The following KAZN variants were observed in gnomAD, a reference collection of about 807,000 sequenced individuals.
KAZN encodes the protein kazrin, periplakin interacting protein, also known as kazrin.
In KAZN, 40 loss-of-function variants were observed where a neutral mutation model predicts 87.4. That is an observed-to-expected ratio of 0.46 (90% confidence interval 0.36 to 0.60). KAZN has a LOEUF of 0.60. Among genes scored for constraint, KAZN ranks in the 20% least tolerant of loss-of-function variants. The pLI is 0.00. For synonymous variants in KAZN, 466 were observed against 458.3 expected, an observed-to-expected ratio of 1.02 and a Z score of -0.22; for missense variants, 898 against 1,073.9, an observed-to-expected ratio of 0.84 and a Z score of 2.29.
At chr1:14,462,747 T>C (rs1454928308) in intron 2 of KAZN, among the ~76,000 whole-genome samples, 1 of 152,124 alleles carries the variant, frequency 6.6e-6, no homozygotes, top group Non-Finnish European at 1.5e-5. Flanking sequence ...GCAGGGGAAC[T>C]CCTCTTTATA....
At chr1:14,899,957 C>G (rs1190704238) in intron 1 of KAZN, among the ~76,000 whole-genome samples, 1 of 152,240 alleles carries the variant, frequency 6.6e-6, no homozygotes, top group Non-Finnish European at 1.5e-5. Context: ...CCTCCATCTT[C>G]TCAAGTAATG....
At chr1:14,140,666 T>C (rs1645215069) in intron 1 of KAZN, among the ~76,000 whole-genome samples, 1 of 152,160 alleles carries the variant, frequency 6.6e-6, no homozygotes. Flanking sequence ...GCTTTGCCTG[T>C]AGTTCTTACA....
At chr1:14,238,410 G>C (rs768878593) in intron 2 of KAZN, among the ~76,000 whole-genome samples, 29 of 152,212 alleles carry the variant, frequency 1.9e-4, no homozygotes, top group Non-Finnish European at 3.8e-4. Context: ...TTAGCTGCTA[G>C]TGGATTCTTT....
rs114622452 is a variant in KAZN at position 13,995,658 on chromosome 1, G to A, written c.91+101902G>A. Among the ~76,000 whole-genome samples the A allele has an allele frequency of 3.5e-3, 536 of 152,292 alleles. 2 individuals are homozygous for A. The highest frequency in any genetic ancestry group is 0.012 in the African/African-American group (500 of 41,562). On this transcript the variant is annotated intron_variant, in intron 1 of 16. Transcript: ENST00000636203. Reference sequence around the variant, plus strand: ...CAAACCCCATACCTTTTTAGGTGTAGAAATTTCACAGTTGGGAGACTGGCC... The same window carrying A: ...CAAACCCCATACCTTTTTAGGTGTAAAAATTTCACAGTTGGGAGACTGGCC...
At chr1:14,298,631 T>A (rs1654303350) in intron 2 of KAZN, among the ~76,000 whole-genome samples, 1 of 152,206 alleles carries the variant, frequency 6.6e-6, no homozygotes, top group Non-Finnish European at 1.5e-5. Flanking sequence ...ACTAAAAGTT[T>A]GGAAAGGAAT....
chr1:14,482,228 GA>G (rs1669124223), intron 2 of KAZN, among the ~76,000 whole-genome samples: 1 of 152,216 alleles, frequency 6.6e-6, no homozygotes, highest in African/African-American at 2.4e-5. Flanking sequence ...CAACCTGAAA[GA>G]AAAAGCAGAG....
intron 2 of KAZN, among the ~76,000 whole-genome samples, chr1:14,431,152 A>G (rs988009391): frequency 3.3e-5 from 5 of 152,232 alleles, no homozygotes; most frequent in Non-Finnish European, 5.9e-5. Context: ...ATAGACAAGC[A>G]TATCTGAATT....
At chr1:14,866,464 C>T (rs569337554) in intron 1 of KAZN, among the ~76,000 whole-genome samples, 65 of 152,292 alleles carry the variant, frequency 4.3e-4, no homozygotes, top group African/African-American at 1.4e-3. Flanking sequence ...CACAGTGGCT[C>T]ACACCTGTAA....
intron 2 of KAZN, among the ~76,000 whole-genome samples, chr1:14,540,276 A>C (rs948905116): frequency 1.3e-5 from 2 of 152,186 alleles, no homozygotes; most frequent in African/African-American, 4.8e-5. Context: ...GTGGTCACTT[A>C]AATGTTGAAT....
At chr1:14,439,043 C>T (rs1289430562) in intron 2 of KAZN, among the ~76,000 whole-genome samples, 1 of 152,236 alleles carries the variant, frequency 6.6e-6, no homozygotes, top group Non-Finnish European at 1.5e-5. Flanking sequence ...TTCTAAACTC[C>T]AGGCTCTTAC....
At position 14,389,484 on chromosome 1, in the gene KAZN, A is replaced by C. The variant is rs200138661; in HGVS notation, c.249+208892A>C. Among the ~76,000 whole-genome samples, 866 of 151,992 alleles carry C rather than the reference A, an allele frequency of 5.7e-3. 11 individuals carry two copies. Among genetic ancestry groups the C allele is most frequent in the African/African-American group, 0.02 (813 of 41,470 alleles). ...ATCAACAGATGAATGGATAAAAAAA[A>C]ATGTTACACATACACAATGGAGTAC... On this transcript the variant is annotated intron_variant, in intron 2 of 16. Coordinates refer to the KAZN transcript ENST00000636203.
intron 2 of KAZN, among the ~76,000 whole-genome samples, chr1:15,029,525 T>A (rs1454087615): frequency 6.6e-6 from 1 of 152,050 alleles, no homozygotes; most frequent in African/African-American, 2.4e-5. Flanking sequence ...ACACACCCCT[T>A]GGACTGCCGG....
At chr1:13,986,982 G>T (rs1639047878) in intron 1 of KAZN, among the ~76,000 whole-genome samples, 1 of 152,142 alleles carries the variant, frequency 6.6e-6, no homozygotes. Context: ...ACAACTGCTA[G>T]AAGCCAGGAG....
intron 11 of KAZN, among the ~76,000 whole-genome samples, chr1:15,102,013 C>T (rs1641089678): frequency 6.6e-6 from 1 of 152,150 alleles, no homozygotes; most frequent in South Asian, 2.1e-4. Flanking sequence ...TTCCAACAAC[C>T]CCCTATTGGG....
At chr1:14,642,325 G>T (rs577910545) in intron 1 of KAZN, among the ~76,000 whole-genome samples, 6 of 152,150 alleles carry the variant, frequency 3.9e-5, no homozygotes, top group Non-Finnish European at 8.8e-5. Flanking sequence ...GCTTGAACCC[G>T]GGAGGCGGAG....
intron 1 of KAZN, among the ~76,000 whole-genome samples, chr1:14,705,555 C>A (rs1642164616): frequency 6.6e-6 from 1 of 152,038 alleles, no homozygotes; most frequent in South Asian, 2.1e-4. Context: ...GATGAATGAA[C>A]AAGGAAAATG....
At chr1:14,201,931 G>T (rs764483500) in intron 2 of KAZN, among the ~76,000 whole-genome samples, 1 of 152,158 alleles carries the variant, frequency 6.6e-6, no homozygotes, top group Non-Finnish European at 1.5e-5. Flanking sequence ...GCCTCCCAAA[G>T]TGCTGGGATT....
chr1:14,775,081 T>A (rs976660261), intron 1 of KAZN, among the ~76,000 whole-genome samples: 29 of 152,214 alleles, frequency 1.9e-4, no homozygotes, highest in African/African-American at 6.5e-4. Flanking sequence ...CCTAAGAGGC[T>A]CACGGGTGTT....
chr1:14,032,965 G>C lies in KAZN; in HGVS notation c.91+139209G>C, dbSNP rs1570574711. Reference sequence around the variant, plus strand: ...CTTCACCAGCGACCCTGATTCCTGTGCCCTCTGCACCCTGGTCTTACTGAG... The same window carrying C: ...CTTCACCAGCGACCCTGATTCCTGTCCCCTCTGCACCCTGGTCTTACTGAG... On this transcript the variant is annotated intron_variant, in intron 1 of 16. Transcript: ENST00000636203. 2.0e-5 allele frequency among the ~76,000 whole-genome samples: 3 copies of C among 152,230 alleles called. No homozygotes were observed. The South Asian group carries it at 6.2e-4, about 32-fold the overall frequency.
Sources: gnomAD v4.1 joint callset for allele counts (sites outside exome capture counted in the v4.1 genomes callset) on GRCh38, gnomAD v4.1.1 for gene constraint, MANE v1.5 for transcripts, NCBI Gene and HGNC (gene_info 2026-07-23, HGNC 2026-07-21) for gene names.